The following SAMMSON variants were observed in gnomAD, a reference collection of about 807,000 sequenced individuals.
SAMMSON encodes survival associated mitochondrial melanoma specific oncogenic non-coding RNA, also known as long intergenic non-protein coding RNA 1212.
chr3:70,165,964 A>G (rs1330552919), intron 4 of SAMMSON, among the ~76,000 whole-genome samples: 2 of 152,018 alleles, frequency 1.3e-5, no homozygotes, highest in African/African-American at 2.4e-5. Flanking sequence ...TGGGAAATTT[A>G]GACAGGACAT....
At chr3:70,066,907 A>G (rs2067212007) in intron 3 of SAMMSON, among the ~76,000 whole-genome samples, 1 of 152,146 alleles carries the variant, frequency 6.6e-6, no homozygotes, top group African/African-American at 2.4e-5. Context: ...TTAAATAAAT[A>G]TGTTGGTTGG....
rs1045352398 is a variant in SAMMSON at position 70,247,026 on chromosome 3, T to C, written n.508-2081T>C. ...GTGAGTGGTCGCCTATCTGTTTCCA[T>C]GACTACCACGAAGGATAGTTATTTT... On this transcript the variant is annotated intron_variant and non_coding_transcript_variant, in intron 4 of 9. Transcript: ENST00000642114. Among the ~76,000 whole-genome samples, 10 of 152,162 alleles carry C rather than the reference T, an allele frequency of 6.6e-5. No individual in the cohort carries two copies. The East Asian group carries it at 1.9e-3, about 29-fold the overall frequency.
chr3:70,261,229 A>G (rs942146761), intron 6 of SAMMSON, among the ~76,000 whole-genome samples: 1 of 152,218 alleles, frequency 6.6e-6, no homozygotes, highest in Non-Finnish European at 1.5e-5. Flanking sequence ...CATTCACAAG[A>G]GTCAATCTTG....
chr3:70,383,672 T>G (rs1477594845), intron 9 of SAMMSON, among the ~76,000 whole-genome samples: 2 of 151,958 alleles, frequency 1.3e-5, no homozygotes, highest in African/African-American at 2.4e-5. Flanking sequence ...AGAGAGGGGA[T>G]GATTGGTGCC....
At chr3:70,026,078 A>G (rs2067036050) in intron 3 of SAMMSON, among the ~76,000 whole-genome samples, 1 of 151,874 alleles carries the variant, frequency 6.6e-6, no homozygotes, top group African/African-American at 2.4e-5. Context: ...AAGTAAAAAA[A>G]GAGAAAATAA....
At chr3:70,146,197 T>C (rs937051112) in intron 4 of SAMMSON, among the ~76,000 whole-genome samples, 2 of 152,016 alleles carry the variant, frequency 1.3e-5, no homozygotes, top group African/African-American at 4.8e-5. Flanking sequence ...AAAAACTTTC[T>C]GAAAAAGAAC....
chr3:70,171,732 G>T (rs6549286), intron 4 of SAMMSON, among the ~76,000 whole-genome samples: 1 of 151,562 alleles, frequency 6.6e-6, no homozygotes, highest in East Asian at 1.9e-4. Context: ...ATTTATTCTC[G>T]TGTCCTTTAA....
intron 2 of SAMMSON, among the ~76,000 whole-genome samples, chr3:70,407,466 C>G (rs1701185722): frequency 6.6e-6 from 1 of 152,118 alleles, no homozygotes; most frequent in East Asian, 1.9e-4. Context: ...GTAAATACAG[C>G]CTTTCCAAAT....
At chr3:70,019,703 T>G (rs2067003612) in intron 3 of SAMMSON, among the ~76,000 whole-genome samples, 1 of 152,208 alleles carries the variant, frequency 6.6e-6, no homozygotes, top group African/African-American at 2.4e-5. Context: ...TTTGGCATGT[T>G]TTTGCAGTGT....
chr3:70,209,159 T>G (rs1009755825), intron 4 of SAMMSON, among the ~76,000 whole-genome samples: 3 of 152,088 alleles, frequency 2.0e-5, no homozygotes, highest in African/African-American at 7.2e-5. Context: ...GACATTCAAA[T>G]GATGTCTTAG....
chr3:70,053,705 G>A (rs2067155404), intron 3 of SAMMSON, among the ~76,000 whole-genome samples: 1 of 152,062 alleles, frequency 6.6e-6, no homozygotes, highest in African/African-American at 2.4e-5. Flanking sequence ...GACCCTTCCA[G>A]GTTTCCCATT....
intron 4 of SAMMSON, among the ~76,000 whole-genome samples, chr3:70,145,872 A>G (rs2067547046): frequency 6.6e-6 from 1 of 151,916 alleles, no homozygotes; most frequent in African/African-American, 2.4e-5. Flanking sequence ...AATTTAAAAA[A>G]TAGAAATAAA....
chr3:70,092,616 G>A (rs1314482234), intron 4 of SAMMSON, among the ~76,000 whole-genome samples: 9 of 151,808 alleles, frequency 5.9e-5, no homozygotes, highest in Admixed American at 5.9e-4. Flanking sequence ...TTTCTTCTTT[G>A]TTCCCAAGCT....
At chr3:70,188,615 CAT>C (rs1701108836) in intron 4 of SAMMSON, among the ~76,000 whole-genome samples, 2 of 152,290 alleles carry the variant, frequency 1.3e-5, no homozygotes, top group Middle Eastern at 3.4e-3. Context: ...AGACATCTCT[CAT>C]GTGTTACGGA....
intron 4 of SAMMSON, among the ~76,000 whole-genome samples, chr3:70,153,734 A>G (rs541150849): frequency 6.6e-6 from 1 of 152,132 alleles, no homozygotes; most frequent in African/African-American, 2.4e-5. Flanking sequence ...TACCGTTTTA[A>G]TCGTACAGTT....
At chr3:70,083,353 G>C (rs1216221221) in intron 4 of SAMMSON, among the ~76,000 whole-genome samples, 1 of 152,114 alleles carries the variant, frequency 6.6e-6, no homozygotes, top group Non-Finnish European at 1.5e-5. Flanking sequence ...AACTGCTTTG[G>C]GTCATCTCTC....
chr3:70,380,149 G>A (rs1339999010), intron 9 of SAMMSON, among the ~76,000 whole-genome samples: 1 of 152,070 alleles, frequency 6.6e-6, no homozygotes, highest in Non-Finnish European at 1.5e-5. Context: ...CTAGAGCAGT[G>A]TTTTCACTGC....
intron 6 of SAMMSON, among the ~76,000 whole-genome samples, chr3:70,280,121 G>A (rs568412240): frequency 6.6e-6 from 1 of 152,216 alleles, no homozygotes; most frequent in South Asian, 2.1e-4. Flanking sequence ...GCCTCTTCCA[G>A]CTTCTGGGGG....
At chr3:70,407,313 A>G (rs1233924183) in intron 2 of SAMMSON, among the ~76,000 whole-genome samples, 1 of 152,116 alleles carries the variant, frequency 6.6e-6, no homozygotes, top group South Asian at 2.1e-4. Context: ...CAGTCCCCCA[A>G]AGTCTTAACT....
Sources: gnomAD v4.1 joint callset for allele counts (sites outside exome capture counted in the v4.1 genomes callset) on GRCh38, gnomAD v4.1.1 for gene constraint, MANE v1.5 for transcripts, NCBI Gene and HGNC (gene_info 2026-07-23, HGNC 2026-07-21) for gene names.